GYS2: variants seen among roughly 807,000 people sequenced by gnomAD.
The protein encoded by GYS2 is glycogen synthase 2.
Under a neutral mutation model 85.6 loss-of-function variants are expected in GYS2, and 80 were observed. The observed-to-expected ratio is 0.93, with a 90% CI of 0.78 to 1.13. GYS2 has a LOEUF of 1.13. Ranked by LOEUF, GYS2 falls within the 50% of genes most tolerant of loss-of-function variation. The pLI is 0.00. For missense variants in GYS2, 881 were observed against 854.9 expected, an observed-to-expected ratio of 1.03 and a Z score of -0.38; for synonymous variants, 328 against 300.7, an observed-to-expected ratio of 1.09 and a Z score of -0.94.
At chr12:21,562,830 C>A in intron 7 of GYS2, 88 bp downstream of exon 7, 4 of 1,432,842 alleles carry the variant, frequency 2.8e-6, no homozygotes, top group Non-Finnish European at 3.9e-6. Flanking sequence ...CTCTTGAAAA[C>A]TATTTAAGAA....
intron 4 of GYS2, among the ~76,000 whole-genome samples, chr12:21,572,946 C>G (rs1400448294): frequency 6.6e-6 from 1 of 152,206 alleles, no homozygotes; most frequent in African/African-American, 2.4e-5. Flanking sequence ...CAGCTTATCA[C>G]AGATCACTGG....
chr12:21,599,675 A>G lies in GYS2; in HGVS notation c.121+4797T>C, dbSNP rs79234180. Among the ~76,000 whole-genome samples, 5 of 152,304 alleles carry G rather than the reference A, an allele frequency of 3.3e-5. No homozygotes were observed. In the East Asian group the frequency reaches 9.6e-4, roughly 29 times the overall value. The stretch of plus-strand genomic sequence containing the variant: ...CACCGGCTTATCCACATCAGTAATT[A>G]GGGCAAAGAAATCCTAATTACTATG... On this transcript the variant is annotated intron_variant, in intron 1 of 15. Transcript: ENST00000261195.
intron 15 of GYS2, 136 bp downstream of exon 15, chr12:21,539,122 C>A: frequency 1.6e-6 from 1 of 642,512 alleles, no homozygotes; most frequent in South Asian, 1.9e-5. Flanking sequence ...GAGTTCCTCT[C>A]TCTCTCCTTT....
chr12:21,574,530 C>T (rs963159509), intron 3 of GYS2, among the ~76,000 whole-genome samples: 2 of 152,134 alleles, frequency 1.3e-5, no homozygotes, highest in East Asian at 3.9e-4. Flanking sequence ...GGTCTTAATC[C>T]TCCCTTTCAG....
intron 1 of GYS2, among the ~76,000 whole-genome samples, chr12:21,603,120 T>C (rs1944771693): frequency 1.3e-5 from 2 of 152,068 alleles, no homozygotes; most frequent in Non-Finnish European, 2.9e-5. Flanking sequence ...AAAAAGGACA[T>C]TAAAAACACA....
chr12:21,580,630 T>A, intron 1 of GYS2, 107 bp from the exon 2 acceptor site: 1 of 842,808 alleles, frequency 1.2e-6, no homozygotes, highest in Non-Finnish European at 2.0e-6. Context: ...TAGGATCCAC[T>A]AAGCCCAAGG....
chr12:21,533,329 A>T (rs1943882364), downstream of GYS2, among the ~76,000 whole-genome samples: 1 of 152,216 alleles, frequency 6.6e-6, no homozygotes, highest in Non-Finnish European at 1.5e-5. Flanking sequence ...TGGCTTGTTC[A>T]GATTAGCCTC....
intron 11 of GYS2, among the ~76,000 whole-genome samples, chr12:21,546,782 A>G (rs1944046245): frequency 6.6e-6 from 1 of 152,184 alleles, no homozygotes. Flanking sequence ...CAGCTTTGAC[A>G]TGCAATAAAC....
chr12:21,570,981 C>T (rs1393200772), intron 4 of GYS2, among the ~76,000 whole-genome samples: 1 of 152,190 alleles, frequency 6.6e-6, no homozygotes, highest in Non-Finnish European at 1.5e-5. Flanking sequence ...ATGGAAAGTG[C>T]TCAATAAATT....
chr12:21,559,741 A>G (rs200076177), intron 8 of GYS2, 31 bp from the exon 9 acceptor site: 21 of 1,332,754 alleles, frequency 1.6e-5, no homozygotes, highest in Non-Finnish European at 2.3e-5. Flanking sequence ...TATCATTTAA[A>G]CAGTATGACA....
rs753578280 is a variant in GYS2 at position 21,574,197 on chromosome 12, G to C, written c.625C>G (p.Leu209Val). The C allele has an allele frequency of 6.2e-7, 1 of 1,613,252 alleles. No homozygotes were observed. Among genetic ancestry groups the C allele is most frequent in the African/African-American group, 1.3e-5 (1 of 75,024 alleles). ...ATIFTTHATL[L>V]GRYLCAANID... ...TTTGCTGCACAGAGATACCTCCCAA[G>C]TAGTGTAGCGTGGGTTGTAAATATT... is the stretch of plus-strand genomic sequence containing the variant. Residue 209 changes from leucine (L) to valine (V), a missense_variant, in exon 4 of 16, where the codon CTT becomes GTT. Physicochemically the swap from Leu to Val is conservative, Grantham distance 32. Coordinates refer to ENST00000261195, the MANE Select transcript of GYS2 (RefSeq NM_021957.4).
At chr12:21,565,852 C>G (rs978395109) in intron 5 of GYS2, among the ~76,000 whole-genome samples, 7 of 151,784 alleles carry the variant, frequency 4.6e-5, no homozygotes, top group Admixed American at 1.3e-4. Context: ...AACGCCAACA[C>G]AAAAGAAAAA....
intron 14 of GYS2, 54 bp downstream of exon 14, chr12:21,540,356 A>G: frequency 7.4e-7 from 1 of 1,355,664 alleles, no homozygotes; most frequent in Non-Finnish European, 1.1e-6. Flanking sequence ...CAATATGTTT[A>G]TAGTCCAGTG....
At chr12:21,554,362 T>TTGACCTGCA (rs1429115997) in intron 11 of GYS2, among the ~76,000 whole-genome samples, 3 of 152,146 alleles carry the variant, frequency 2.0e-5, no homozygotes, top group Non-Finnish European at 4.4e-5. Flanking sequence ...CATGGGTATA[T>TTGACCTGCA]TGACCTGCAT....
chr12:21,574,611 A>C (rs1222031970), intron 3 of GYS2, among the ~76,000 whole-genome samples: 1 of 152,194 alleles, frequency 6.6e-6, no homozygotes, highest in East Asian at 1.9e-4. Context: ...GAATATTAAT[A>C]AATAAATGGA....
chr12:21,590,816 C>T (rs1944630183), intron 1 of GYS2, among the ~76,000 whole-genome samples: 1 of 152,184 alleles, frequency 6.6e-6, no homozygotes, highest in Non-Finnish European at 1.5e-5. Flanking sequence ...AACCTCATCA[C>T]CACCTTCACT....
intron 11 of GYS2, among the ~76,000 whole-genome samples, chr12:21,549,805 A>G (rs1944085287): frequency 6.6e-6 from 1 of 152,094 alleles, no homozygotes; most frequent in Non-Finnish European, 1.5e-5. Context: ...TTCATTAATG[A>G]TGATGTTTAT....
intron 4 of GYS2, 57 bp downstream of exon 4, chr12:21,574,087 C>T: frequency 7.5e-7 from 1 of 1,340,004 alleles, no homozygotes. Flanking sequence ...ACTTATCTTT[C>T]AGCTTCAGCA....
rs372352886 is a variant in GYS2, at chr12:21,568,817, T to C, written c.823+48A>G. On this transcript the variant is annotated intron_variant, in intron 5 of 15. Coordinates refer to ENST00000261195, the MANE Select transcript of GYS2 (RefSeq NM_021957.4). ...GATGGAAAACAAAATCCTCATAGTG[T>C]AACATCATTCGGAACTGAAAGATAG... 38 of 1,543,842 alleles carry C rather than the reference T, an allele frequency of 2.5e-5. No individual in the cohort carries two copies. In the African/African-American group the frequency reaches 4.6e-4, roughly 19 times the overall value.
Sources: allele counts gnomAD v4.1 joint callset (sites outside exome capture counted in the v4.1 genomes callset), GRCh38; gene constraint gnomAD v4.1.1; transcripts MANE v1.5; gene names NCBI Gene and HGNC (gene_info 2026-07-23, HGNC 2026-07-21).